The following SSBP3 variants were observed in gnomAD, a reference collection of about 807,000 sequenced individuals.
SSBP3 encodes the protein single stranded DNA binding protein 3.
Under a neutral mutation model 69.6 loss-of-function variants are expected in SSBP3, and 5 were observed. That is an observed-to-expected ratio of 0.07 (90% confidence interval 0.04 to 0.15). The LOEUF is 0.15. Ranked by LOEUF, SSBP3 falls within the 10% of genes least tolerant of loss-of-function variation. The pLI, the probability that SSBP3 is intolerant of heterozygous loss-of-function variation, is 1.00. For missense variants in SSBP3, 312 were observed against 534.0 expected (o/e 0.58, Z 4.10); for synonymous variants, 196 against 193.4 (o/e 1.01, Z -0.11).
At chr1:54,251,536 TGACA>T in intron 9 of SSBP3, 76 bp downstream of exon 9, 1 of 1,417,324 alleles carries the variant, frequency 7.1e-7, no homozygotes, top group Non-Finnish European at 9.7e-7. Context: ...TGTGGGAGAC[TGACA>T]GAGCATGGAA....
intron 4 of SSBP3, among the ~76,000 whole-genome samples, chr1:54,316,705 T>TAAATA (rs1215940242): frequency 0.015 from 1,212 of 80,676 alleles, 30 homozygotes; most frequent in Non-Finnish European, 0.023. Flanking sequence ...AATAAATAAA[T>TAAATA]AAATAAAATA....
rs763602195 is a variant in SSBP3, at chr1:54,241,517, C to A, written c.766-8G>T. 3.4e-5 allele frequency: 55 copies of A among 1,613,810 alleles called. No homozygotes were observed. The Admixed American group carries it at 5.3e-4, about 16-fold the overall frequency. Reference sequence around the variant, plus strand: ...TGAGGAGGAGTATGGAATCTAAAAACAAGATGTCAGGGAGCCCCACGTCAG... The same window carrying A: ...TGAGGAGGAGTATGGAATCTAAAAAAAAGATGTCAGGGAGCCCCACGTCAG... On this transcript the variant is annotated splice_polypyrimidine_tract_variant and splice_region_variant and intron_variant, in intron 11 of 17. Coordinates refer to ENST00000610401, the Ensembl canonical transcript of SSBP3.
At chr1:54,399,319 G>C (rs1210170986) in intron 4 of SSBP3, among the ~76,000 whole-genome samples, 3 of 152,248 alleles carry the variant, frequency 2.0e-5, no homozygotes, top group Non-Finnish European at 4.4e-5. Flanking sequence ...ACCCATTCCA[G>C]AGTCAGTCAT....
chr1:54,286,473 G>C (rs964952983), intron 4 of SSBP3: 2 of 152,242 alleles, frequency 1.3e-5, no homozygotes, highest in African/African-American at 2.4e-5. Context: ...AGGGAGACTT[G>C]TGAAGAGGAC....
intron 14 of SSBP3, among the ~76,000 whole-genome samples, chr1:54,229,666 C>T (rs1173895647): frequency 2.6e-5 from 4 of 152,270 alleles, no homozygotes; most frequent in African/African-American, 4.8e-5. Flanking sequence ...CCCACAGCCA[C>T]GAGTCACGGG....
chr1:54,280,608 TG>T (rs1645373619), intron 5 of SSBP3, among the ~76,000 whole-genome samples: 1 of 151,694 alleles, frequency 6.6e-6, no homozygotes, highest in South Asian at 2.1e-4. Flanking sequence ...TGATCGAGAG[TG>T]TCATCATAAA....
Position 54,340,771 on chromosome 1 carries a change from A to G in SSBP3, c.277-59244T>C, listed in dbSNP as rs1646593291. ...AGGTTGGGGAGAAAAAATGGACTCC[A>G]TGAACACCCAGGACACTCCCATACC... On this transcript the variant is annotated intron_variant, in intron 4 of 17. Coordinates refer to ENST00000610401, the Ensembl canonical transcript of SSBP3. Among the ~76,000 whole-genome samples, 3 of 152,232 alleles carry G rather than the reference A, an allele frequency of 2.0e-5. No homozygotes were observed. The South Asian group carries it at 6.2e-4, about 32-fold the overall frequency.
chr1:54,405,333 T>C lies in SSBP3; in HGVS notation c.57-403A>G, dbSNP rs79526957. The C allele has an allele frequency of 6.1e-3, 1,536 of 250,468 alleles. 71 individuals are homozygous for C. In the East Asian group the frequency reaches 0.11, roughly 18 times the overall value. 15.5% of individuals were successfully genotyped at this position (250,468 alleles called of 1,614,324 possible). A position where few individuals can be genotyped will look rare whatever the true frequency, so the allele number is the denominator to read the frequency against. ...TGGACTCCGGGTGCTTGGCGCGCTC[T>C]GGAGAGGGCAGCAAAGCGCCACCCT... is the stretch of plus-strand genomic sequence containing the variant. On this transcript the variant is annotated intron_variant, in intron 1 of 17. Coordinates refer to ENST00000610401, the Ensembl canonical transcript of SSBP3.
chr1:54,282,767 C>T (rs879400550), intron 4 of SSBP3, among the ~76,000 whole-genome samples: 5 of 152,232 alleles, frequency 3.3e-5, no homozygotes, highest in Non-Finnish European at 5.9e-5. Context: ...CTACAGGAAG[C>T]CCACCTCCAA....
At chr1:54,404,474 C>T (rs1250702032) in intron 3 of SSBP3, 102 bp downstream of exon 3, 3 of 1,415,290 alleles carry the variant, frequency 2.1e-6, no homozygotes, top group Non-Finnish European at 3.0e-6. Flanking sequence ...ACGCAGAGGG[C>T]CACAGGGCGG....
intron 4 of SSBP3, among the ~76,000 whole-genome samples, chr1:54,344,682 G>T (rs982994809): frequency 9.2e-5 from 14 of 152,170 alleles, no homozygotes; most frequent in African/African-American, 3.4e-4. Flanking sequence ...GTTTTTGTGG[G>T]TGGGAAGAAA....
intron 4 of SSBP3, among the ~76,000 whole-genome samples, chr1:54,373,374 T>A (rs1339229591): frequency 1.3e-5 from 2 of 152,118 alleles, no homozygotes; most frequent in Non-Finnish European, 2.9e-5. Context: ...TGATTCTAGT[T>A]ACAGAGTTGA....
At chr1:54,310,454 A>G (rs1018869629) in intron 4 of SSBP3, among the ~76,000 whole-genome samples, 6 of 152,200 alleles carry the variant, frequency 3.9e-5, no homozygotes, top group African/African-American at 1.2e-4. Flanking sequence ...AAGAGAGCCC[A>G]CGGACACACC....
At chr1:54,319,838 T>G (rs1557528275) in intron 4 of SSBP3, among the ~76,000 whole-genome samples, 1 of 152,194 alleles carries the variant, frequency 6.6e-6, no homozygotes, top group Admixed American at 6.5e-5. Context: ...TTTGTTGGCC[T>G]CTTCTCTTTG....
At chr1:54,244,207 G>C (rs1010396900) in intron 9 of SSBP3, among the ~76,000 whole-genome samples, 4 of 152,040 alleles carry the variant, frequency 2.6e-5, no homozygotes, top group African/African-American at 9.7e-5. Context: ...AGGTTCAAGC[G>C]ATTCTCATTA....
chr1:54,360,853 G>A lies in SSBP3; in HGVS notation c.276+41008C>T, dbSNP rs1646940923. On this transcript the variant is annotated intron_variant, in intron 4 of 17. Transcript: ENST00000610401. Reference sequence around the variant, plus strand: ...CCAACATTTTGGGAGGCTGAGGCAGGAGGACCACTTGAGGCCGGGAGTTTG... The same window carrying A: ...CCAACATTTTGGGAGGCTGAGGCAGAAGGACCACTTGAGGCCGGGAGTTTG... Among the ~76,000 whole-genome samples the A allele has an allele frequency of 2.6e-5, 4 of 151,752 alleles. No homozygotes were observed. The South Asian group carries it at 8.3e-4, about 32-fold the overall frequency.
chr1:54,238,060 C>T (rs763002632), intron 14 of SSBP3: 2 of 442,372 alleles, frequency 4.5e-6, no homozygotes, highest in African/African-American at 2.0e-5. Context: ...TCCTGGGATT[C>T]CTCAGGATGT....
chr1:54,290,510 T>G (rs1645584989), intron 4 of SSBP3, among the ~76,000 whole-genome samples: 2 of 152,234 alleles, frequency 1.3e-5, no homozygotes, highest in South Asian at 4.1e-4. Flanking sequence ...GGGGCCTCTC[T>G]CTTCTTAGTG....
chr1:54,243,922 G>T (rs989047906), intron 9 of SSBP3, among the ~76,000 whole-genome samples: 10 of 151,124 alleles, frequency 6.6e-5, no homozygotes, highest in Non-Finnish European at 1.2e-4. Flanking sequence ...CTATGTGTGT[G>T]TGAGTTTTTT....
Sources: gnomAD v4.1 joint callset for allele counts (sites outside exome capture counted in the v4.1 genomes callset) on GRCh38, gnomAD v4.1.1 for gene constraint, MANE v1.5 for transcripts, NCBI Gene and HGNC (gene_info 2026-07-23, HGNC 2026-07-21) for gene names.